The following CDH12 variants were observed in gnomAD, a reference collection of about 807,000 sequenced individuals.
CDH12 encodes the protein cadherin-12.
A neutral mutation model predicts 74.1 loss-of-function variants in CDH12; 41 were observed. The ratio of observed to expected loss-of-function variants is 0.55; its 90% CI spans 0.43 to 0.72. The LOEUF (loss-of-function observed/expected upper bound fraction) is 0.72. Ranked by LOEUF, CDH12 falls within the 30% of genes least tolerant of loss-of-function variation. The pLI is 0.00. For missense variants in CDH12, 945 were observed against 977.2 expected (o/e 0.97, Z 0.44); for synonymous variants, 399 against 355.0 (o/e 1.12, Z -1.39).
chr5:21,867,519 T>G (rs1193120284), intron 6 of CDH12, among the ~76,000 whole-genome samples: 2 of 152,212 alleles, frequency 1.3e-5, no homozygotes, highest in African/African-American at 4.8e-5. Context: ...GTGACCTGGA[T>G]GTGAGACATG....
At chr5:22,825,813 A>T (rs929176411) in intron 1 of CDH12, among the ~76,000 whole-genome samples, 1 of 152,180 alleles carries the variant, frequency 6.6e-6, no homozygotes, top group African/African-American at 2.4e-5. Flanking sequence ...AGTTGTGTTA[A>T]AGACCAAATA....
At chr5:22,340,434 G>A (rs912033999) in intron 3 of CDH12, among the ~76,000 whole-genome samples, 8 of 151,860 alleles carry the variant, frequency 5.3e-5, no homozygotes, top group African/African-American at 1.9e-4. Context: ...GGCTGAGGCA[G>A]GAGAATGGTG....
At chr5:22,168,290 T>G (rs1748808553) in intron 4 of CDH12, among the ~76,000 whole-genome samples, 1 of 152,082 alleles carries the variant, frequency 6.6e-6, no homozygotes, top group Non-Finnish European at 1.5e-5. Flanking sequence ...ATGTCCCCTC[T>G]TCCGTTATTA....
At chr5:22,014,353 T>C (rs542044022) in intron 5 of CDH12, among the ~76,000 whole-genome samples, 2 of 152,304 alleles carry the variant, frequency 1.3e-5, no homozygotes, top group Middle Eastern at 6.8e-3. Context: ...TGAAAGTTCA[T>C]TGAGTACATG....
At chr5:21,775,642 A>G (rs551514008) in intron 11 of CDH12, among the ~76,000 whole-genome samples, 150 of 151,750 alleles carry the variant, frequency 9.9e-4, no homozygotes, top group African/African-American at 3.3e-3. Flanking sequence ...TTCCATGATG[A>G]TTTTCTTTTT....
intron 6 of CDH12, among the ~76,000 whole-genome samples, chr5:21,888,642 C>T (rs1752754887): frequency 6.6e-6 from 1 of 151,988 alleles, no homozygotes; most frequent in Admixed American, 6.6e-5. Flanking sequence ...AAATCACTCA[C>T]AATTCAAACA....
At chr5:22,670,820 C>T (rs1368508060) in intron 1 of CDH12, among the ~76,000 whole-genome samples, 1 of 151,908 alleles carries the variant, frequency 6.6e-6, no homozygotes, top group Non-Finnish European at 1.5e-5. Flanking sequence ...GATTAGGTGT[C>T]GTTCAAAATG....
At chr5:22,609,771 G>A (rs915238596) in intron 1 of CDH12, among the ~76,000 whole-genome samples, 3 of 152,054 alleles carry the variant, frequency 2.0e-5, no homozygotes, top group Non-Finnish European at 4.4e-5. Context: ...TTAAGTCTTC[G>A]GTAAAGTGTG....
intron 3 of CDH12, among the ~76,000 whole-genome samples, chr5:22,242,880 A>C (rs965940068): frequency 6.6e-6 from 1 of 152,102 alleles, no homozygotes; most frequent in Admixed American, 6.5e-5. Flanking sequence ...GATAAAGTCA[A>C]CTTCTTTTCT....
At chr5:22,579,426 A>G (rs1739964526) in intron 1 of CDH12, among the ~76,000 whole-genome samples, 1 of 152,218 alleles carries the variant, frequency 6.6e-6, no homozygotes, top group Non-Finnish European at 1.5e-5. Flanking sequence ...TAGTGGTAAC[A>G]GTGAATAGTT....
At chr5:21,882,818 T>C in intron 6 of CDH12, 1 of 1,551,304 alleles carries the variant, frequency 6.4e-7, no homozygotes, top group East Asian at 2.2e-5. Flanking sequence ...TAACAAAAGA[T>C]GGTGTGACTG....
intron 5 of CDH12, among the ~76,000 whole-genome samples, chr5:21,980,736 C>T (rs2963522): frequency 1.3e-5 from 2 of 152,056 alleles, no homozygotes; most frequent in South Asian, 4.1e-4. Context: ...ATCATAAATT[C>T]ATTACCAAAA....
intron 6 of CDH12, among the ~76,000 whole-genome samples, chr5:21,944,183 C>T (rs554429073): frequency 1.3e-5 from 2 of 152,264 alleles, no homozygotes; most frequent in South Asian, 4.1e-4. Context: ...AAAAGCAGCA[C>T]ATTATCTTAA....
chr5:22,141,975 C>T lies in CDH12; in HGVS notation c.-186-63113G>A, dbSNP rs2150298878. ...AATAACTTGCCCAGAGTTGTACGGC[C>T]ATAGGGTGGTTTGGTTCCAGAATCT... is the stretch of plus-strand genomic sequence containing the variant. On this transcript the variant is annotated intron_variant, in intron 4 of 14. Transcript: ENST00000382254. 1.3e-5 allele frequency among the ~76,000 whole-genome samples: 2 copies of T among 152,160 alleles called. 1 individual carries two copies. The highest frequency in any genetic ancestry group is 4.1e-4 in the South Asian group (2 of 4,824).
chr5:22,603,422 G>A (rs544658343), intron 1 of CDH12, among the ~76,000 whole-genome samples: 6 of 152,282 alleles, frequency 3.9e-5, no homozygotes, highest in Admixed American at 3.9e-4. Flanking sequence ...CTGCTATTTA[G>A]TATTGAGGTA....
At chr5:21,904,886 C>G (rs575838790) in intron 6 of CDH12, among the ~76,000 whole-genome samples, 1 of 152,092 alleles carries the variant, frequency 6.6e-6, no homozygotes, top group Non-Finnish European at 1.5e-5. Context: ...GTGGTTTATA[C>G]CACTGCAGGG....
chr5:22,498,226 C>T (rs1747186016), intron 2 of CDH12, among the ~76,000 whole-genome samples: 1 of 152,036 alleles, frequency 6.6e-6, no homozygotes, highest in Non-Finnish European at 1.5e-5. Context: ...GGCACTCTTC[C>T]CAGCTAATTT....
At chr5:22,162,342 C>A (rs897106501) in intron 4 of CDH12, among the ~76,000 whole-genome samples, 1 of 152,128 alleles carries the variant, frequency 6.6e-6, no homozygotes, top group African/African-American at 2.4e-5. Context: ...AAGAACTGCC[C>A]TCCAGACTCA....
intron 1 of CDH12, among the ~76,000 whole-genome samples, chr5:22,683,349 G>A (rs1258934974): frequency 1.3e-5 from 2 of 152,104 alleles, no homozygotes; most frequent in Non-Finnish European, 2.9e-5. Context: ...CCTCACCGGA[G>A]GAGATTCAGG....
Sources: gnomAD v4.1 joint callset for allele counts (sites outside exome capture counted in the v4.1 genomes callset) on GRCh38, gnomAD v4.1.1 for gene constraint, MANE v1.5 for transcripts, NCBI Gene and HGNC (gene_info 2026-07-23, HGNC 2026-07-21) for gene names.